The following GRK5 variants were observed in gnomAD, a reference collection of about 807,000 sequenced individuals.
GRK5 encodes G protein-coupled receptor kinase 5.
A neutral mutation model predicts 78.4 loss-of-function variants in GRK5; 40 were observed. That is an observed-to-expected ratio of 0.51 (90% CI 0.40 to 0.66). The LOEUF (loss-of-function observed/expected upper bound fraction) is 0.66. Ranked by LOEUF, GRK5 falls within the 30% of genes least tolerant of loss-of-function variation. GRK5 has a pLI of 0.00. For missense variants in GRK5, 598 were observed against 759.9 expected (o/e 0.79, Z 2.50); for synonymous variants, 289 against 296.8 (o/e 0.97, Z 0.27).
At chr10:119,225,115 A>G (rs1158973352) in intron 1 of GRK5, among the ~76,000 whole-genome samples, 1 of 152,236 alleles carries the variant, frequency 6.6e-6, no homozygotes. Context: ...TAAACAGGAA[A>G]AAAACCCGCC....
At chr10:119,408,511 A>T (rs1440653613) in intron 4 of GRK5, among the ~76,000 whole-genome samples, 1 of 152,222 alleles carries the variant, frequency 6.6e-6, no homozygotes, top group Non-Finnish European at 1.5e-5. Flanking sequence ...GCAGTGTTCA[A>T]CCATATAAAG....
intron 1 of GRK5, among the ~76,000 whole-genome samples, chr10:119,300,731 T>G (rs1850165010): frequency 2.0e-5 from 3 of 152,272 alleles, no homozygotes; most frequent in East Asian, 3.9e-4. Flanking sequence ...ATCTTGACCT[T>G]GAGGTTTACA....
At chr10:119,372,841 C>T (rs1255020127) in intron 2 of GRK5, among the ~76,000 whole-genome samples, 1 of 152,226 alleles carries the variant, frequency 6.6e-6, no homozygotes, top group Non-Finnish European at 1.5e-5. Context: ...TTGGTAAGGC[C>T]TGGGCCCTGT....
Position 119,394,376 on chromosome 10 carries a change from CGGTGTGTGTATCTGT to C in GRK5, c.262-2317_262-2303del, listed in dbSNP as rs1564917170. Among the ~76,000 whole-genome samples the C allele has an allele frequency of 8.7e-3, 160 of 18,310 alleles. 26 individuals are homozygous for C. The highest frequency in any genetic ancestry group is 0.029 in the Middle Eastern group (1 of 34). 12.0% of individuals were successfully genotyped at this position (18,310 alleles called of 152,430 possible). On this transcript the variant is annotated intron_variant, in intron 3 of 15. Transcript: ENST00000392870. ...TGGGTGTGTGGGTGTGTGTGGGTGT[CGGTGTGTGTATCTGT>C]GTCTGTGTGTGGGCATGTGTGTGGG...
chr10:119,248,827 T>C (rs1046356099), intron 1 of GRK5, among the ~76,000 whole-genome samples: 2 of 152,230 alleles, frequency 1.3e-5, no homozygotes, highest in Non-Finnish European at 2.9e-5. Flanking sequence ...CTAGGGCTTT[T>C]TTCATGCCAC....
chr10:119,357,304 C>T (rs1318464427), intron 2 of GRK5, among the ~76,000 whole-genome samples: 2 of 152,210 alleles, frequency 1.3e-5, no homozygotes, highest in African/African-American at 2.4e-5. Flanking sequence ...TAGGCAAATT[C>T]CCTCAGCACT....
chr10:119,262,455 C>T (rs1052409418), intron 1 of GRK5, among the ~76,000 whole-genome samples: 4 of 151,334 alleles, frequency 2.6e-5, no homozygotes, highest in African/African-American at 9.7e-5. Context: ...TCTCCTGCCT[C>T]AGCCCCCCGA....
At chr10:119,228,061 G>A (rs1848768619) in intron 1 of GRK5, among the ~76,000 whole-genome samples, 3 of 152,308 alleles carry the variant, frequency 2.0e-5, no homozygotes, top group African/African-American at 7.2e-5. Context: ...ATGACCATCT[G>A]TAAAGGATCG....
chr10:119,439,551 G>A (rs1852988914), intron 9 of GRK5, among the ~76,000 whole-genome samples, 180 bp from the exon 10 acceptor site: 1 of 152,240 alleles, frequency 6.6e-6, no homozygotes, highest in African/African-American at 2.4e-5. Context: ...TAAATTACTG[G>A]AAGGAGAAAA....
Position 119,361,191 on chromosome 10 carries a change from G to A in GRK5, c.149-19624G>A, listed in dbSNP as rs150369040. 4.5e-3 allele frequency among the ~76,000 whole-genome samples: 688 copies of A among 152,382 alleles called. 2 individuals carry two copies. The highest frequency in any genetic ancestry group is 6.8e-3 in the Middle Eastern group (2 of 294). The stretch of plus-strand genomic sequence containing the variant: ...ACCGGGCAGTGCTGTCCACTCTACA[G>A]TGGAATGAAGGCAGAGAATGGCGCA... On this transcript the variant is annotated intron_variant, in intron 2 of 15. Transcript: ENST00000392870.
chr10:119,323,078 C>A (rs760697954), intron 1 of GRK5, among the ~76,000 whole-genome samples: 2 of 152,196 alleles, frequency 1.3e-5, no homozygotes, highest in South Asian at 4.1e-4. Flanking sequence ...TTCCCTTATA[C>A]GAGGTATCTA....
At chr10:119,417,176 G>C (rs550405839) in intron 4 of GRK5, among the ~76,000 whole-genome samples, 1 of 152,342 alleles carries the variant, frequency 6.6e-6, no homozygotes, top group Admixed American at 6.5e-5. Context: ...TAATGCCACT[G>C]AGGGTGGGTG....
At chr10:119,394,197 G>GGGGTGTATCTGTGTGTGTGTGGGT (rs1851946265) in intron 3 of GRK5, among the ~76,000 whole-genome samples, 1 of 26,450 alleles carries the variant, frequency 3.8e-5, no homozygotes, top group Non-Finnish European at 8.3e-5. Context: ...TGTGTATGGG[G>GGGGTGTATCTGTGTGTGTGTGGGT]GTGTGTATCT....
At chr10:119,386,400 CGGT>C (rs1851794587) in intron 3 of GRK5, among the ~76,000 whole-genome samples, 1 of 152,056 alleles carries the variant, frequency 6.6e-6, no homozygotes, top group Non-Finnish European at 1.5e-5. Flanking sequence ...GCCTAGGAGT[CGGT>C]GGAATTTTCC....
At chr10:119,402,355 T>C (rs1852165080) in intron 4 of GRK5, among the ~76,000 whole-genome samples, 1 of 152,042 alleles carries the variant, frequency 6.6e-6, no homozygotes, top group Non-Finnish European at 1.5e-5. Context: ...TGGATCTGAG[T>C]GTGTGCTGGG....
chr10:119,332,349 C>A (rs911859968), intron 2 of GRK5, among the ~76,000 whole-genome samples: 1 of 152,162 alleles, frequency 6.6e-6, no homozygotes, highest in African/African-American at 2.4e-5. Context: ...TCAAGTGATC[C>A]TCCCTCCTCA....
At chr10:119,443,476 C>A in intron 11 of GRK5, 68 bp from the exon 12 acceptor site, 1 of 1,425,028 alleles carries the variant, frequency 7.0e-7, no homozygotes, top group African/African-American at 1.4e-5. Context: ...AAACTCCAGG[C>A]CTTCTGTGAG....
rs948647145 is a variant in GRK5 at position 119,431,677 on chromosome 10, A to G, written c.738+150A>G. ...CAGCGCTGAGCTACAGAAAGGCCGC[A>G]AGACATTCCTCCATCACACGGCCCA... On this transcript the variant is annotated intron_variant, in intron 8 of 15. Transcript: ENST00000392870. This position sits in a 1 kb window ranked among gnomAD's most constrained non-coding sequence, Gnocchi z 4.8. The G allele has an allele frequency of 2.1e-5, 19 of 926,294 alleles. No homozygotes were observed. The highest frequency in any genetic ancestry group is 1.4e-4 in the East Asian group (5 of 35,832). The allele number at this position is 926,294 out of a possible 1,614,324, so 57.4% of individuals were successfully genotyped here.
Position 119,338,430 on chromosome 10 carries a change from C to T in GRK5, c.148+11819C>T, listed in dbSNP as rs78464775. On this transcript the variant is annotated intron_variant, in intron 2 of 15. Coordinates refer to ENST00000392870, the MANE Select transcript of GRK5 (RefSeq NM_005308.3). ...ACATCTCAGACAGAGCCATAGTTAA[C>T]GCCTTCATGTAATTTCTTCTAGCTT... Among the ~76,000 whole-genome samples the T allele has an allele frequency of 9.2e-3, 1,402 of 152,296 alleles. 21 individuals are homozygous for T. Among genetic ancestry groups the T allele is most frequent in the African/African-American group, 0.032 (1,330 of 41,560 alleles).
Sources: gnomAD v4.1 joint callset for allele counts (sites outside exome capture counted in the v4.1 genomes callset) on GRCh38, gnomAD v4.1.1 for gene constraint, Gnocchi (gnomAD v3.1) non-coding constraint, MANE v1.5 for transcripts, NCBI Gene and HGNC (gene_info 2026-07-23, HGNC 2026-07-21) for gene names.